MCTP1: variants seen among roughly 807,000 people sequenced by gnomAD.
The protein encoded by MCTP1 is multiple C2 and transmembrane domain-containing protein 1.
A neutral mutation model predicts 120.6 loss-of-function variants in MCTP1; 69 were observed. The observed-to-expected ratio is 0.57, with a 90% CI of 0.47 to 0.70. The LOEUF is 0.70. Ranked by LOEUF, MCTP1 falls within the 30% of genes least tolerant of loss-of-function variation. The pLI, the probability that MCTP1 is intolerant of heterozygous loss-of-function variation, is 0.00. For synonymous variants in MCTP1, 529 were observed against 493.1 expected, an observed-to-expected ratio of 1.07 and a Z score of -0.96; for missense variants, 1,203 against 1,248.8, an observed-to-expected ratio of 0.96 and a Z score of 0.55.
At chr5:95,245,994 C>T (rs970987572) in intron 1 of MCTP1, among the ~76,000 whole-genome samples, 1 of 149,074 alleles carries the variant, frequency 6.7e-6, no homozygotes, top group African/African-American at 2.4e-5. Flanking sequence ...GGCAGAAACC[C>T]TACAAGCCAG....
At chr5:95,225,908 T>C (rs537019755) in intron 1 of MCTP1, among the ~76,000 whole-genome samples, 23 of 152,290 alleles carry the variant, frequency 1.5e-4, no homozygotes, top group Admixed American at 5.9e-4. Context: ...CCAGAATCAT[T>C]AGATAATTTG....
chr5:95,193,052 T>C (rs1749996698), intron 1 of MCTP1, among the ~76,000 whole-genome samples: 2 of 152,178 alleles, frequency 1.3e-5, no homozygotes, highest in African/African-American at 2.4e-5. Context: ...CAAAAGCATA[T>C]AAAGTTGTAT....
chr5:94,838,999 G>T (rs909817835), intron 17 of MCTP1, among the ~76,000 whole-genome samples: 1 of 152,144 alleles, frequency 6.6e-6, no homozygotes, highest in Admixed American at 6.5e-5. Flanking sequence ...ATTAGTCCCA[G>T]AATATTTAAT....
At chr5:94,968,832 A>G (rs1826159186) in intron 2 of MCTP1, among the ~76,000 whole-genome samples, 1 of 152,234 alleles carries the variant, frequency 6.6e-6, no homozygotes, top group Non-Finnish European at 1.5e-5. Context: ...CTGGACCATT[A>G]CTTTCATTGA....
chr5:94,840,421 A>G (rs1790763895), intron 17 of MCTP1, among the ~76,000 whole-genome samples: 1 of 152,198 alleles, frequency 6.6e-6, no homozygotes, highest in South Asian at 2.1e-4. Flanking sequence ...GAAGATGGGT[A>G]TGAGAAAGGC....
rs560863057 is a variant in MCTP1 at position 95,018,707 on chromosome 5, G to A, written c.721-1223C>T. ...TCCTCAGTCACTCAGCCTAGAAATC[G>A]CTGAGCCATCTTTGACTTCTTCATT... On this transcript the variant is annotated intron_variant, in intron 1 of 22. Transcript: ENST00000515393. 2.7e-4 allele frequency among the ~76,000 whole-genome samples: 41 copies of A among 151,968 alleles called. No individual in the cohort carries two copies. The East Asian group carries it at 7.2e-3, about 27-fold the overall frequency.
intron 19 of MCTP1, among the ~76,000 whole-genome samples, chr5:94,751,787 T>A (rs1433250241): frequency 6.6e-6 from 1 of 152,072 alleles, no homozygotes; most frequent in East Asian, 1.9e-4. Context: ...TAATGACTTG[T>A]CTTTTGTTCT....
At chr5:95,072,186 C>T (rs1383019933) in intron 1 of MCTP1, among the ~76,000 whole-genome samples, 2 of 151,514 alleles carry the variant, frequency 1.3e-5, no homozygotes, top group Non-Finnish European at 2.9e-5. Flanking sequence ...TGTACCCCAC[C>T]TCCTATCCAG....
chr5:94,971,929 C>T (rs1223501086), intron 2 of MCTP1, among the ~76,000 whole-genome samples: 1 of 152,100 alleles, frequency 6.6e-6, no homozygotes, highest in Non-Finnish European at 1.5e-5. Flanking sequence ...ACAAACCTAG[C>T]CCACCAGTTC....
At chr5:95,190,848 A>C (rs531526086) in intron 1 of MCTP1, among the ~76,000 whole-genome samples, 3 of 152,084 alleles carry the variant, frequency 2.0e-5, no homozygotes, top group South Asian at 4.1e-4. Flanking sequence ...AACTTTTAAC[A>C]ACATGAACAA....
At chr5:95,129,301 C>A (rs556270140) in intron 1 of MCTP1, among the ~76,000 whole-genome samples, 7 of 152,150 alleles carry the variant, frequency 4.6e-5, no homozygotes, top group Non-Finnish European at 7.3e-5. Context: ...GTCAAGTGCA[C>A]GGGATAAATG....
intron 7 of MCTP1, among the ~76,000 whole-genome samples, chr5:94,918,980 A>G (rs2153454873): frequency 6.6e-6 from 1 of 152,202 alleles, no homozygotes; most frequent in Admixed American, 6.5e-5. Flanking sequence ...AATGATTTCC[A>G]CCCCCAACCC....
chr5:95,069,459 T>TC (rs1208591785), intron 1 of MCTP1, among the ~76,000 whole-genome samples: 2 of 151,828 alleles, frequency 1.3e-5, no homozygotes, highest in Non-Finnish European at 1.5e-5. Flanking sequence ...TTTTTTTTTT[T>TC]CAGAATAACA....
chr5:94,976,669 T>A (rs1312917962), intron 2 of MCTP1: 1 of 152,038 alleles, frequency 6.6e-6, no homozygotes, highest in Non-Finnish European at 1.5e-5. Context: ...GTAAAAACAT[T>A]CTTATTTTTT....
intron 3 of MCTP1, among the ~76,000 whole-genome samples, chr5:94,950,463 C>A (rs1032533938): frequency 6.6e-6 from 1 of 151,964 alleles, no homozygotes; most frequent in Non-Finnish European, 1.5e-5. Context: ...AGCCTTCTGG[C>A]CTGCATACAG....
intron 7 of MCTP1, among the ~76,000 whole-genome samples, chr5:94,919,290 T>C (rs1272388029): frequency 6.6e-6 from 1 of 152,170 alleles, no homozygotes; most frequent in Non-Finnish European, 1.5e-5. Flanking sequence ...CCAGTTTTAG[T>C]TTAAAAAGTT....
At chr5:95,007,269 A>G (rs923011920) in intron 2 of MCTP1, among the ~76,000 whole-genome samples, 2 of 152,074 alleles carry the variant, frequency 1.3e-5, no homozygotes, top group African/African-American at 4.8e-5. Flanking sequence ...ACAATTCAAG[A>G]TGAGATTTGG....
chr5:94,817,133 G>A (rs560107679), intron 17 of MCTP1, among the ~76,000 whole-genome samples: 27 of 152,116 alleles, frequency 1.8e-4, no homozygotes, highest in African/African-American at 4.1e-4. Context: ...GGCTGGGTGC[G>A]GTGGTTCACA....
At chr5:95,181,511 C>T (rs572574065) in intron 1 of MCTP1, among the ~76,000 whole-genome samples, 11 of 152,238 alleles carry the variant, frequency 7.2e-5, no homozygotes, top group African/African-American at 1.9e-4. Flanking sequence ...ACTTCCTGTT[C>T]GCATCCCTGT....
Sources: allele counts gnomAD v4.1 joint callset (sites outside exome capture counted in the v4.1 genomes callset), GRCh38; gene constraint gnomAD v4.1.1; transcripts MANE v1.5; gene names NCBI Gene and HGNC (gene_info 2026-07-23, HGNC 2026-07-21).